CYB561A3: variants seen among roughly 807,000 people sequenced by gnomAD.
CYB561A3 encodes the protein lysosomal membrane ascorbate-dependent ferrireductase CYB561A3.
Under a neutral mutation model 25.3 loss-of-function variants are expected in CYB561A3, and 16 were observed. The observed-to-expected ratio is 0.63, with a 90% confidence interval of 0.43 to 0.96. CYB561A3 has a LOEUF of 0.96. Among genes scored for constraint, CYB561A3 ranks in the 40% least tolerant of loss-of-function variants. The pLI is 0.00. For missense variants in CYB561A3, 219 were observed against 307.5 expected, an observed-to-expected ratio of 0.71 and a Z score of 2.15; for synonymous variants, 131 against 129.9, an observed-to-expected ratio of 1.01 and a Z score of -0.06.
intron 1 of CYB561A3, chr11:61,360,525 A>G (rs1409001046): frequency 6.6e-6 from 1 of 152,236 alleles, no homozygotes; most frequent in Non-Finnish European, 1.5e-5. Context: ...TGTTCCAGTA[A>G]TATTTATTTA....
intron 2 of CYB561A3, chr11:61,357,382 T>G: frequency 1.5e-6 from 1 of 660,750 alleles, no homozygotes; most frequent in Non-Finnish European, 2.5e-6. Flanking sequence ...CTGGGGAAAG[T>G]CCAGAGAAAA....
At position 61,353,074 on chromosome 11, in the gene CYB561A3, T is replaced by C; in HGVS notation, c.459A>G (p.Lys153=). The C allele has an allele frequency of 6.2e-7, 1 of 1,613,450 alleles. No individual in the cohort carries two copies. The change falls in exon 5 of 7, where the codon AAA becomes AAG. Residue 153 remains lysine, a synonymous_variant. Coordinates refer to ENST00000294072, the MANE Select transcript of CYB561A3 (RefSeq NM_153611.6). ...CGGCTCCAAAAAAGACGTGGATAGG[T>C]TTTAGGAGGCTGCGCAGCCACATGG... ...WASMWLRSLL[K]PIHVFFGAAI...
At chr11:61,358,836 C>T (rs1009486344) in intron 1 of CYB561A3, 1 of 152,222 alleles carries the variant, frequency 6.6e-6, no homozygotes, top group African/African-American at 2.4e-5. Context: ...TCTCAGTGGC[C>T]CTCAGCCATG....
At chr11:61,350,697 C>T in intron 6 of CYB561A3, 1 of 593,298 alleles carries the variant, frequency 1.7e-6, no homozygotes, top group Non-Finnish European at 2.9e-6. Context: ...TTGTCACAGT[C>T]AAGCCCTTCC....
intron 4 of CYB561A3, chr11:61,353,362 A>G: frequency 1.6e-6 from 1 of 632,416 alleles, no homozygotes; most frequent in Non-Finnish European, 2.7e-6. Flanking sequence ...CACTCCCAGC[A>G]AACCCAACCA....
chr11:61,353,550 A>G, intron 4 of CYB561A3: 1 of 699,382 alleles, frequency 1.4e-6, no homozygotes, highest in African/African-American at 1.7e-5. Flanking sequence ...TGACAAAGTT[A>G]GCAGAGAGGG....
At position 61,349,284 on chromosome 11, in the gene CYB561A3, C is replaced by T; in HGVS notation, c.*1115G>A. ...GCAGCCATGGTGGGGCCAGGTGAAG[C>T]AATGTGGGTCTCAGCAAGGAACCCC... On this transcript the variant is annotated 3_prime_UTR_variant, in exon 7 of 7. Coordinates refer to ENST00000294072, the MANE Select transcript of CYB561A3 (RefSeq NM_153611.6). The T allele has an allele frequency of 4.4e-6, 2 of 450,864 alleles. No homozygotes were observed. Among genetic ancestry groups the T allele is most frequent in the Non-Finnish European group, 8.3e-6 (2 of 241,596 alleles). The allele number at this position is 450,864 out of a possible 1,614,324, so 27.9% of individuals were successfully genotyped here. A position where few individuals can be genotyped will look rare whatever the true frequency, so the allele number is the denominator to read the frequency against.
At chr11:61,357,236 C>A in intron 2 of CYB561A3, 1 of 1,551,290 alleles carries the variant, frequency 6.4e-7, no homozygotes, top group South Asian at 1.2e-5. Context: ...AGTTCTTCCC[C>A]ATAGAGTAAG....
chr11:61,349,436 G>A lies in CYB561A3; in HGVS notation c.*963C>T, dbSNP rs1456249177. On this transcript the variant is annotated 3_prime_UTR_variant, in exon 7 of 7. Transcript: ENST00000294072. ...CTGCCAAGAGAGCAAGGCCAGACCTGCCCAGCGGGAGGCAGGAAGGCCCTG... is the reference window on the plus strand; with the variant it reads ...CTGCCAAGAGAGCAAGGCCAGACCTACCCAGCGGGAGGCAGGAAGGCCCTG... 4 of 661,664 alleles carry A rather than the reference G, an allele frequency of 6.0e-6. No individual in the cohort carries two copies. Among genetic ancestry groups the A allele is most frequent in the Non-Finnish European group, 1.1e-5 (4 of 360,540 alleles). The allele number at this position is 661,664 out of a possible 1,614,324, so 41.0% of individuals were successfully genotyped here.
chr11:61,359,891 T>G (rs572308194), intron 1 of CYB561A3: 3 of 152,068 alleles, frequency 2.0e-5, no homozygotes, highest in Non-Finnish European at 4.4e-5. Context: ...CACGGTGGCA[T>G]GCGCTTGTAG....
intron 4 of CYB561A3, 151 bp from the exon 5 acceptor site, chr11:61,353,290 T>C: frequency 3.0e-6 from 3 of 1,009,442 alleles, no homozygotes; most frequent in Non-Finnish European, 4.2e-6. Flanking sequence ...CGTGCTAGCT[T>C]CCTCATTGTG....
chr11:61,352,726 T>C, intron 5 of CYB561A3: 3 of 1,102,012 alleles, frequency 2.7e-6, no homozygotes, highest in South Asian at 1.8e-5. Context: ...TGTAGGGTGG[T>C]TGACAGGATT....
At chr11:61,350,467 G>A (rs1021583073) in intron 6 of CYB561A3, 45 bp from the exon 7 acceptor site, 2 of 1,606,394 alleles carry the variant, frequency 1.2e-6, no homozygotes, top group Non-Finnish European at 1.7e-6. Flanking sequence ...CATGATGCAG[G>A]AGTCACACCA....
At position 61,353,985 on chromosome 11, in the gene CYB561A3, C is replaced by G; in HGVS notation, c.192G>C (p.Leu64=). ...CCCACGACTGGGGCAGGCGGTACACCAGTGACGCTGCAGGAGAGAGTAGTG... is the reference window on the plus strand; with the variant it reads ...CCCACGACTGGGGCAGGCGGTACACGAGTGACGCTGCAGGAGAGAGTAGTG... The part of the protein sequence containing the change: ...GMVVFYGGAS[L]VYRLPQSWVG... The change falls in exon 4 of 7, where the codon CTG becomes CTC. Residue 64 remains leucine, a synonymous_variant. Coordinates refer to ENST00000294072, the MANE Select transcript of CYB561A3 (RefSeq NM_153611.6). The G allele has an allele frequency of 4.3e-6, 7 of 1,614,096 alleles. No individual in the cohort carries two copies. The highest frequency in any genetic ancestry group is 3.3e-4 in the Middle Eastern group (2 of 6,046).
chr11:61,355,348 C>A (rs1048673308), intron 3 of CYB561A3, among the ~76,000 whole-genome samples: 1 of 152,076 alleles, frequency 6.6e-6, no homozygotes, highest in Admixed American at 6.6e-5. Flanking sequence ...ACCAGGGCCC[C>A]AAGGCACAGA....
rs141576457 is a variant in CYB561A3 at position 61,353,948 on chromosome 11, G to A, written c.229C>T (p.Leu77=). The A allele has an allele frequency of 8.1e-6, 13 of 1,614,088 alleles. No homozygotes were observed. Among genetic ancestry groups the A allele is most frequent in the African/African-American group, 1.3e-5 (1 of 74,946 alleles). ...RLPQSWVGPK[L]PWKLLHAALH... ...GCTGCATGGAGGAGTTTCCAGGGCAGTTTGGGCCCCACCCACGACTGGGGC... is the reference window on the plus strand; with the variant it reads ...GCTGCATGGAGGAGTTTCCAGGGCAATTTGGGCCCCACCCACGACTGGGGC... Residue 77 remains leucine, a synonymous_variant, in exon 4 of 7, where the codon CTG becomes TTG. Transcript: ENST00000294072.
intron 3 of CYB561A3, 22 bp downstream of exon 3, chr11:61,356,508 C>T (rs1401539057): frequency 6.2e-7 from 1 of 1,609,984 alleles, no homozygotes; most frequent in Non-Finnish European, 8.5e-7. Flanking sequence ...TATCCCGCCT[C>T]CCTTCCTGAC....
Position 61,353,106 on chromosome 11 carries a change from AG to A in CYB561A3, c.426del (p.Trp143GlyfsTer10), listed in dbSNP as rs748652393. The A allele has an allele frequency of 3.7e-6, 6 of 1,612,644 alleles. No individual in the cohort carries two copies. Among genetic ancestry groups the A allele is most frequent in the Non-Finnish European group, 2.5e-6 (3 of 1,179,498 alleles). On this transcript the variant is annotated frameshift_variant, in exon 5 of 7. Coordinates refer to ENST00000294072, the MANE Select transcript of CYB561A3 (RefSeq NM_153611.6). LOFTEE classifies it high-confidence loss of function. ...WFLGFAVFLL[P>X]WASMWLRSLL... ...AGGCTGCGCAGCCACATGGACGCCCAGGGCAGGAGGAAGACAGCAAAGCCCA... is the reference window on the plus strand; with the variant it reads ...AGGCTGCGCAGCCACATGGACGCCCAGGCAGGAGGAAGACAGCAAAGCCCA...
At chr11:61,354,927 G>A (rs570744623) in intron 3 of CYB561A3, among the ~76,000 whole-genome samples, 92 of 148,488 alleles carry the variant, frequency 6.2e-4, no homozygotes, top group African/African-American at 2.1e-3. Flanking sequence ...GGAGTGCAGC[G>A]GCGCAATCTC....
Sources: gnomAD v4.1 joint callset for allele counts (sites outside exome capture counted in the v4.1 genomes callset) on GRCh38, gnomAD v4.1.1 for gene constraint, MANE v1.5 for transcripts, NCBI Gene and HGNC (gene_info 2026-07-23, HGNC 2026-07-21) for gene names.